ATG4B: variants seen among roughly 807,000 people sequenced by gnomAD.
ATG4B encodes the protein autophagy related 4B cysteine peptidase, also known as cysteine protease ATG4B.
Under a neutral mutation model 56.6 loss-of-function variants are expected in ATG4B, and 29 were observed. The observed-to-expected ratio is 0.51, with a 90% CI of 0.38 to 0.70. The LOEUF (loss-of-function observed/expected upper bound fraction) is 0.70. Among genes scored for constraint, ATG4B ranks in the 30% least tolerant of loss-of-function variants. ATG4B has a pLI of 0.00. For missense variants in ATG4B, 461 were observed against 515.5 expected, an observed-to-expected ratio of 0.89 and a Z score of 1.02; for synonymous variants, 224 against 206.1, an observed-to-expected ratio of 1.09 and a Z score of -0.74.
At chr2:241,657,257 GA>G (rs2068436542) in intron 6 of ATG4B, among the ~76,000 whole-genome samples, 2 of 149,370 alleles carry the variant, frequency 1.3e-5, no homozygotes, top group Admixed American at 1.3e-4. Flanking sequence ...TTACAGGCGT[GA>G]GCCACCGCGC....
At position 241,668,409 on chromosome 2, in the gene ATG4B, G is replaced by A. The variant is rs1018645896; in HGVS notation, c.812-131G>A. 45 of 1,422,092 alleles carry A rather than the reference G, an allele frequency of 3.2e-5. No individual in the cohort carries two copies. The highest frequency in any genetic ancestry group is 3.1e-4 in the African/African-American group (22 of 70,464). 88.1% of individuals were successfully genotyped at this position (1,422,092 alleles called of 1,614,324 possible). On this transcript the variant is annotated intron_variant, in intron 9 of 12. Transcript: ENST00000404914. The surrounding 1 kb of genome is among the most constrained non-coding windows in gnomAD (Gnocchi z 4.2). ...CTTTCCCTGATGGTCTGGTGCCCTC[G>A]GCTCCCTCCCCACCTCCTGCCCACT... is the stretch of plus-strand genomic sequence containing the variant.
At chr2:241,670,480 C>G (rs1025855637) in intron 10 of ATG4B, 3 of 585,932 alleles carry the variant, frequency 5.1e-6, no homozygotes, top group East Asian at 2.9e-5. Context: ...CGTAACATCT[C>G]GTGGGCGAAT....
chr2:241,665,114 C>T lies in ATG4B; in HGVS notation c.539-1531C>T, dbSNP rs375294262. Among the ~76,000 whole-genome samples the T allele has an allele frequency of 5.9e-5, 9 of 152,256 alleles. No individual in the cohort carries two copies. In the East Asian group the frequency reaches 1.2e-3, roughly 20 times the overall value. ...CAGCCTGGGTGACAGAGTGAGACCC[C>T]GTCTCTAAAAGAAATTTAAAAAGTT... is the stretch of plus-strand genomic sequence containing the variant. On this transcript the variant is annotated intron_variant, in intron 7 of 12. Coordinates refer to ENST00000404914, the MANE Select transcript of ATG4B (RefSeq NM_013325.5).
chr2:241,671,194 C>G, intron 11 of ATG4B, 118 bp from the exon 12 acceptor site: 1 of 876,082 alleles, frequency 1.1e-6, no homozygotes, highest in African/African-American at 1.7e-5. Context: ...CCTCTGTTTT[C>G]TCATCAGTGA....
intron 1 of ATG4B, among the ~76,000 whole-genome samples, chr2:241,648,235 T>C (rs1243735887): frequency 6.6e-6 from 1 of 152,236 alleles, no homozygotes; most frequent in African/African-American, 2.4e-5. Flanking sequence ...ACTTTATTTA[T>C]TCACAGTCAC....
intron 12 of ATG4B, 153 bp downstream of exon 12, chr2:241,671,558 A>T (rs2068971909): frequency 6.5e-7 from 1 of 1,532,144 alleles, no homozygotes; most frequent in African/African-American, 1.4e-5. Context: ...CCAGGTATGG[A>T]GTGGAGCGTC....
At chr2:241,660,235 C>T (rs867661659) in intron 7 of ATG4B, among the ~76,000 whole-genome samples, 6 of 152,312 alleles carry the variant, frequency 3.9e-5, no homozygotes, top group Non-Finnish European at 2.9e-5. Context: ...GCCGTAACTG[C>T]GCACAGATTC....
In ATG4B at chr2:241,668,032, CTT is replaced by C. The variant is rs1236151127; in HGVS notation, c.733-110_733-109del. 1 of 1,027,684 alleles carries C rather than the reference CTT, an allele frequency of 9.7e-7. No individual in the cohort carries two copies. Among genetic ancestry groups the C allele is most frequent in the Non-Finnish European group, 1.4e-6 (1 of 700,906 alleles). 63.7% of individuals were successfully genotyped at this position (1,027,684 alleles called of 1,614,324 possible). A position where few individuals can be genotyped will look rare whatever the true frequency, so the allele number is the denominator to read the frequency against. On this transcript the variant is annotated intron_variant, in intron 8 of 12. Transcript: ENST00000404914. The surrounding 1 kb of genome is among the most constrained non-coding windows in gnomAD (Gnocchi z 4.2). The stretch of plus-strand genomic sequence containing the variant: ...GGTACCATGTCCCCTCCTGTCCCCT[CTT>C]GTGTCACCCAGTTGGGCCTCAGCAG...
At chr2:241,639,146 G>A (rs2067800837) in intron 1 of ATG4B, among the ~76,000 whole-genome samples, 1 of 152,206 alleles carries the variant, frequency 6.6e-6, no homozygotes, top group African/African-American at 2.4e-5. Context: ...TGAGTGCCGG[G>A]TCCCGCCAGC....
rs2069044197 is a variant in ATG4B at position 241,673,351 on chromosome 2, G to C, written c.*1087G>C. The stretch of plus-strand genomic sequence containing the variant: ...GTGCACTCTGCCCCGCTGCTCTGCT[G>C]CCTGTCCTGGGAAAGTATCTTTGCC... On this transcript the variant is annotated 3_prime_UTR_variant, in exon 13 of 13. Transcript: ENST00000404914. 2.8e-5 allele frequency: 10 copies of C among 358,630 alleles called. No individual in the cohort carries two copies. Among genetic ancestry groups the C allele is most frequent in the South Asian group, 2.0e-4 (10 of 48,980 alleles). 22.2% of individuals were successfully genotyped at this position (358,630 alleles called of 1,614,324 possible).
intron 7 of ATG4B, chr2:241,659,484 C>T: frequency 2.3e-6 from 1 of 431,194 alleles, no homozygotes; most frequent in South Asian, 2.0e-5. Context: ...GCTTAGGCGC[C>T]CTCGTGTGGG....
chr2:241,645,718 C>T (rs1273689996), intron 1 of ATG4B, among the ~76,000 whole-genome samples: 1 of 152,128 alleles, frequency 6.6e-6, no homozygotes, highest in African/African-American at 2.4e-5. Flanking sequence ...GTGGACACTC[C>T]CCACTTGCAG....
At chr2:241,650,218 G>T (rs965029030) in intron 1 of ATG4B, among the ~76,000 whole-genome samples, 3 of 152,226 alleles carry the variant, frequency 2.0e-5, no homozygotes, top group African/African-American at 7.2e-5. Flanking sequence ...GTGGTGGCAT[G>T]CTCTTCTGGT....
At chr2:241,662,666 A>G (rs942143281) in intron 7 of ATG4B, among the ~76,000 whole-genome samples, 1 of 152,232 alleles carries the variant, frequency 6.6e-6, no homozygotes, top group Non-Finnish European at 1.5e-5. Context: ...TGTGCAGGTA[A>G]CAAAGCACCA....
At chr2:241,664,584 T>C (rs1321889973) in intron 7 of ATG4B, among the ~76,000 whole-genome samples, 1 of 152,056 alleles carries the variant, frequency 6.6e-6, no homozygotes, top group African/African-American at 2.4e-5. Flanking sequence ...CTGGGCGTGG[T>C]AGCTCCTACC....
At chr2:241,641,279 G>T (rs1399570425) in intron 1 of ATG4B, among the ~76,000 whole-genome samples, 1 of 152,206 alleles carries the variant, frequency 6.6e-6, no homozygotes. Flanking sequence ...GGGCGGGCGT[G>T]GTGGCTCACG....
At chr2:241,637,800 C>A in intron 1 of ATG4B, 76 bp downstream of exon 1, 2 of 1,441,944 alleles carry the variant, frequency 1.4e-6, no homozygotes, top group South Asian at 1.4e-5. Context: ...TCGGGTCGGG[C>A]TGCCGCGACT....
chr2:241,650,493 G>A (rs185213768), intron 1 of ATG4B, among the ~76,000 whole-genome samples: 2 of 152,218 alleles, frequency 1.3e-5, no homozygotes, highest in African/African-American at 4.8e-5. Context: ...CTGCCATGGT[G>A]ACATCTGGTA....
intron 1 of ATG4B, among the ~76,000 whole-genome samples, chr2:241,648,620 G>T (rs897537885): frequency 2.0e-5 from 3 of 151,824 alleles, no homozygotes; most frequent in African/African-American, 7.3e-5. Context: ...AAAAAAACAG[G>T]AGCAGAGCTC....
Sources: allele counts gnomAD v4.1 joint callset (sites outside exome capture counted in the v4.1 genomes callset), GRCh38; gene constraint gnomAD v4.1.1; non-coding constraint Gnocchi (gnomAD v3.1); transcripts MANE v1.5; gene names NCBI Gene and HGNC (gene_info 2026-07-23, HGNC 2026-07-21).